The following EYA1 variants were observed in gnomAD, a reference collection of about 807,000 sequenced individuals.
EYA1 encodes protein phosphatase EYA1.
Under a neutral mutation model 82.0 loss-of-function variants are expected in EYA1, and 16 were observed. The observed-to-expected ratio is 0.20, with a 90% CI of 0.13 to 0.30. The LOEUF (loss-of-function observed/expected upper bound fraction) is 0.30, where lower values mean the gene tolerates loss of function less well. Among genes scored for constraint, EYA1 ranks in the 10% least tolerant of loss-of-function variants. The pLI, the probability that EYA1 is intolerant of heterozygous loss-of-function variation, is 1.00. For missense variants in EYA1, 633 were observed against 730.7 expected (o/e 0.87, Z 1.54); for synonymous variants, 261 against 264.4 (o/e 0.99, Z 0.12).
rs1287763151 is a variant in EYA1, at chr8:71,302,911, A to G, written c.557-3191T>C. 2.1e-5 allele frequency among the ~76,000 whole-genome samples: 3 copies of G among 142,180 alleles called. 1 individual carries two copies. Among genetic ancestry groups the G allele is most frequent in the Non-Finnish European group, 4.8e-5 (3 of 62,620 alleles). The allele number at this position is 142,180 out of a possible 152,430, so 93.3% of individuals were successfully genotyped here. On this transcript the variant is annotated intron_variant, in intron 7 of 17. Coordinates refer to ENST00000340726, the MANE Select transcript of EYA1 (RefSeq NM_000503.6). ...CTTTTAATGGCTCCCTGTTGCCCTC[A>G]GGATAATATTCAAACTGCTTACTAG...
intron 2 of EYA1, among the ~76,000 whole-genome samples, chr8:71,475,477 C>A (rs1355924578): frequency 6.6e-6 from 1 of 152,138 alleles, no homozygotes; most frequent in Non-Finnish European, 1.5e-5. Flanking sequence ...TAGGCAAATT[C>A]TGCCTGTCTT....
intron 2 of EYA1, among the ~76,000 whole-genome samples, chr8:71,378,298 G>C (rs963630151): frequency 6.6e-6 from 1 of 152,128 alleles, no homozygotes; most frequent in African/African-American, 2.4e-5. Flanking sequence ...AGATAAGAAG[G>C]GGAAGAGAAG....
At chr8:71,408,696 A>G (rs991355422) in intron 2 of EYA1, among the ~76,000 whole-genome samples, 2 of 121,582 alleles carry the variant, frequency 1.6e-5, no homozygotes, top group Non-Finnish European at 3.4e-5. Flanking sequence ...ATATGCACCC[A>G]ATACAGGAGC....
chr8:71,288,236 G>T (rs1361294372), intron 9 of EYA1, among the ~76,000 whole-genome samples: 6 of 152,164 alleles, frequency 3.9e-5, no homozygotes, highest in Admixed American at 3.9e-4. Flanking sequence ...AATCAGAAAA[G>T]ACTTAAAGTA....
At chr8:71,231,632 C>T (rs1811208913) in intron 12 of EYA1, among the ~76,000 whole-genome samples, 1 of 152,202 alleles carries the variant, frequency 6.6e-6, no homozygotes, top group Non-Finnish European at 1.5e-5. Context: ...ATCTGGGCTC[C>T]TTGACAGCAA....
intron 3 of EYA1, among the ~76,000 whole-genome samples, chr8:71,334,628 G>C (rs1161777347): frequency 6.6e-6 from 1 of 151,942 alleles, no homozygotes; most frequent in Non-Finnish European, 1.5e-5. Context: ...CAAGGGCAAG[G>C]TCTCCCCCAC....
intron 2 of EYA1, among the ~76,000 whole-genome samples, chr8:71,455,491 T>C (rs905900745): frequency 2.0e-5 from 3 of 152,174 alleles, no homozygotes; most frequent in Non-Finnish European, 2.9e-5. Flanking sequence ...CTGATGAACA[T>C]CAATGCAAAA....
At chr8:71,239,454 T>C (rs1017657725) in intron 12 of EYA1, among the ~76,000 whole-genome samples, 2 of 152,184 alleles carry the variant, frequency 1.3e-5, no homozygotes, top group South Asian at 2.1e-4. Context: ...ATGGTCAACA[T>C]ATATAAGGCA....
At chr8:71,222,851 G>C (rs1322403932) in intron 12 of EYA1, among the ~76,000 whole-genome samples, 1 of 152,154 alleles carries the variant, frequency 6.6e-6, no homozygotes, top group Non-Finnish European at 1.5e-5. Flanking sequence ...TCTAGACACT[G>C]GTCACGACCT....
At chr8:71,521,200 TTAA>T (rs1319897315) in intron 2 of EYA1, among the ~76,000 whole-genome samples, 1 of 152,018 alleles carries the variant, frequency 6.6e-6, no homozygotes, top group African/African-American at 2.4e-5. Flanking sequence ...ATATAGTAAA[TTAA>T]TAATAATAGC....
At chr8:71,313,509 C>T (rs2129017805) in intron 7 of EYA1, among the ~76,000 whole-genome samples, 1 of 152,262 alleles carries the variant, frequency 6.6e-6, no homozygotes, top group South Asian at 2.1e-4. Flanking sequence ...ATCACCACTG[C>T]AATGAGAGCA....
At chr8:71,456,665 T>C (rs890682733) in intron 2 of EYA1, among the ~76,000 whole-genome samples, 1 of 152,028 alleles carries the variant, frequency 6.6e-6, no homozygotes, top group Admixed American at 6.6e-5. Context: ...GGGGAAAGGA[T>C]TCCCTATTTA....
intron 16 of EYA1, 51 bp from the exon 17 acceptor site, chr8:71,211,307 G>A: frequency 8.4e-7 from 1 of 1,196,856 alleles, no homozygotes; most frequent in Non-Finnish European, 1.2e-6. Flanking sequence ...GTAACCTAAT[G>A]TGACAGTGCT....
intron 2 of EYA1, among the ~76,000 whole-genome samples, chr8:71,480,096 GA>G (rs1410694055): frequency 6.6e-6 from 1 of 151,920 alleles, no homozygotes; most frequent in Non-Finnish European, 1.5e-5. Context: ...AAATAAAGAA[GA>G]AGAAAGAAAA....
At chr8:71,392,672 G>A (rs1405289334) in intron 2 of EYA1, among the ~76,000 whole-genome samples, 1 of 152,026 alleles carries the variant, frequency 6.6e-6, no homozygotes, top group Non-Finnish European at 1.5e-5. Flanking sequence ...GGTCTTTTCA[G>A]GATTTCAGTT....
chr8:71,324,091 G>C (rs939108656), intron 4 of EYA1: 1 of 152,154 alleles, frequency 6.6e-6, no homozygotes, highest in African/African-American at 2.4e-5. Flanking sequence ...TTCTTTCCTA[G>C]CTCTATGTCT....
intron 4 of EYA1, among the ~76,000 whole-genome samples, chr8:71,329,100 A>C (rs1185235946): frequency 1.3e-5 from 2 of 152,156 alleles, no homozygotes. Flanking sequence ...GTGCGGAACT[A>C]ACTACAGAGG....
intron 3 of EYA1, among the ~76,000 whole-genome samples, chr8:71,345,316 G>A (rs1048759725): frequency 4.0e-5 from 6 of 150,846 alleles, no homozygotes; most frequent in African/African-American, 1.5e-4. Context: ...GTCAGACTCT[G>A]TTCTAAGCAC....
chr8:71,470,389 T>C (rs758202900), intron 2 of EYA1, among the ~76,000 whole-genome samples: 3 of 152,140 alleles, frequency 2.0e-5, no homozygotes, highest in Non-Finnish European at 4.4e-5. Flanking sequence ...GTTTCTCTGA[T>C]CTAACCCATA....
Sources: allele counts gnomAD v4.1 joint callset (sites outside exome capture counted in the v4.1 genomes callset), GRCh38; gene constraint gnomAD v4.1.1; transcripts MANE v1.5; gene names NCBI Gene and HGNC (gene_info 2026-07-23, HGNC 2026-07-21).